Variants in SHANK2 observed in about 807,000 individuals in gnomAD.
The protein encoded by SHANK2 is SH3 and multiple ankyrin repeat domains 2, also known as SH3 and multiple ankyrin repeat domains protein 2.
Under a neutral mutation model 133.7 loss-of-function variants are expected in SHANK2, and 43 were observed. The ratio of observed to expected loss-of-function variants is 0.32; its 90% confidence interval spans 0.25 to 0.41. The LOEUF (loss-of-function observed/expected upper bound fraction) is 0.41. SHANK2 is among the 10% of genes least tolerant of loss of function. The pLI is 1.00. For synonymous variants in SHANK2, 1,017 were observed against 952.8 expected, an observed-to-expected ratio of 1.07 and a Z score of -1.24; for missense variants, 1,994 against 2,235.8, an observed-to-expected ratio of 0.89 and a Z score of 2.18.
chr11:70,600,040 T>C (rs2060471577), intron 17 of SHANK2, among the ~76,000 whole-genome samples: 1 of 152,238 alleles, frequency 6.6e-6, no homozygotes, highest in Admixed American at 6.5e-5. Context: ...AATTGGTCTA[T>C]TCTGGGTCAA....
chr11:70,554,075 T>C (rs2059801171), intron 17 of SHANK2, among the ~76,000 whole-genome samples: 1 of 152,210 alleles, frequency 6.6e-6, no homozygotes, highest in African/African-American at 2.4e-5. Flanking sequence ...TGCTTTGCCT[T>C]CTCCTTTGTG....
chr11:71,220,995 G>A (rs185963346), intron 2 of SHANK2, among the ~76,000 whole-genome samples: 2 of 152,260 alleles, frequency 1.3e-5, no homozygotes, highest in East Asian at 3.9e-4. Context: ...GAGGTCAGGA[G>A]TTCAAGACCA....
intron 7 of SHANK2, 23 bp from the exon 8 acceptor site, chr11:71,092,612 C>A: frequency 6.5e-7 from 1 of 1,549,008 alleles, no homozygotes; most frequent in South Asian, 1.2e-5. Context: ...AATTGAAAGC[C>A]GTCGTTATTG....
At chr11:70,632,801 C>A (rs1170863557) in intron 17 of SHANK2, among the ~76,000 whole-genome samples, 3 of 152,260 alleles carry the variant, frequency 2.0e-5, no homozygotes, top group Non-Finnish European at 2.9e-5. Context: ...GAAACAAGGT[C>A]ATGTTGATCT....
At chr11:70,681,117 C>T (rs1420457345) in intron 15 of SHANK2, among the ~76,000 whole-genome samples, 1 of 152,198 alleles carries the variant, frequency 6.6e-6, no homozygotes, top group Non-Finnish European at 1.5e-5. Flanking sequence ...GCCTCTGCAT[C>T]TGTGCCTTGG....
rs1946472490 is a variant in SHANK2, at chr11:70,739,275, T to C, written c.1778-40512A>G. On this transcript the variant is annotated intron_variant, in intron 14 of 25. Coordinates refer to ENST00000601538, the MANE Select transcript of SHANK2 (RefSeq NM_012309.5). The surrounding 1 kb of genome is among the most constrained non-coding windows in gnomAD (Gnocchi z 4.3). Reference sequence around the variant, plus strand: ...AGACGCAGACCCGGGGCATCTCCCATCTCCACCCATCTCCACTCATCTCCA... The same window carrying C: ...AGACGCAGACCCGGGGCATCTCCCACCTCCACCCATCTCCACTCATCTCCA... 6.6e-6 allele frequency among the ~76,000 whole-genome samples: 1 copy of C among 151,958 alleles called. No homozygotes were observed. The highest frequency in any genetic ancestry group is 1.5e-5 in the Non-Finnish European group (1 of 67,982).
chr11:71,177,380 C>G (rs1364847888), intron 2 of SHANK2, among the ~76,000 whole-genome samples: 1 of 152,066 alleles, frequency 6.6e-6, no homozygotes, highest in Non-Finnish European at 1.5e-5. Flanking sequence ...AACAATAGCA[C>G]AAAGGTTGGA....
At chr11:71,082,662 C>G (rs920563983) in intron 8 of SHANK2, among the ~76,000 whole-genome samples, 17 of 152,192 alleles carry the variant, frequency 1.1e-4, no homozygotes, top group Admixed American at 3.9e-4. Context: ...GGGCCTGTCC[C>G]CTCGCCGTGG....
At chr11:70,510,077 G>C (rs2135873360) in intron 17 of SHANK2, among the ~76,000 whole-genome samples, 1 of 152,274 alleles carries the variant, frequency 6.6e-6, no homozygotes, top group South Asian at 2.1e-4. Context: ...GGAGGGAGGA[G>C]GTGTCTTGGC....
At chr11:70,762,228 GT>G (rs10714766) in intron 14 of SHANK2, among the ~76,000 whole-genome samples, 13,144 of 152,248 alleles carry the variant, frequency 0.086, 748 homozygotes, top group South Asian at 0.28. Context: ...AAATTCTGTG[GT>G]TTTACAAACG....
intron 1 of SHANK2, among the ~76,000 whole-genome samples, chr11:71,231,644 T>A (rs1591041563): frequency 1.3e-5 from 2 of 152,196 alleles, no homozygotes; most frequent in South Asian, 4.1e-4. Flanking sequence ...TACCAGCACC[T>A]TGGGAGGCCA....
At chr11:70,666,765 C>T (rs1038861748) in intron 15 of SHANK2, among the ~76,000 whole-genome samples, 7 of 152,214 alleles carry the variant, frequency 4.6e-5, no homozygotes, top group Non-Finnish European at 1.0e-4. Context: ...TCACTGATCA[C>T]GTGCCTGAAG....
chr11:71,082,476 C>T lies in SHANK2; in HGVS notation c.913-7201G>A, dbSNP rs1040107927. ...AGGAAGACCACAACCCATGTGGCTC[C>T]ATCCCATTCTAAATGCTAACTTTCC... On this transcript the variant is annotated intron_variant, in intron 8 of 25. Transcript: ENST00000601538. Among the ~76,000 whole-genome samples the T allele has an allele frequency of 5.3e-5, 8 of 152,346 alleles. No homozygotes were observed. In the South Asian group the frequency reaches 1.7e-3, roughly 32 times the overall value.
intron 3 of SHANK2, among the ~76,000 whole-genome samples, chr11:71,137,474 C>T (rs1555104991): frequency 6.6e-6 from 1 of 152,050 alleles, no homozygotes; most frequent in African/African-American, 2.4e-5. Context: ...AGGCCCAGCC[C>T]CCCCAAAGGA....
intron 1 of SHANK2, among the ~76,000 whole-genome samples, chr11:71,226,382 G>A (rs1340597452): frequency 6.6e-6 from 1 of 152,152 alleles, no homozygotes; most frequent in African/African-American, 2.4e-5. Flanking sequence ...AGAAGAGAGG[G>A]AGGGTCTGAA....
At position 70,502,190 on chromosome 11, in the gene SHANK2, C is replaced by T. The variant is rs376165687; in HGVS notation, c.2278+16G>A. The T allele has an allele frequency of 2.6e-5, 41 of 1,552,992 alleles. 1 individual carries two copies. The highest frequency in any genetic ancestry group is 9.8e-5 in the Admixed American group (5 of 50,994). ...GCATGGTGACTGTACAGGGCTGGGC[C>T]GGGTGTGCGACTTACCGAGCTCCTC... On this transcript the variant is annotated intron_variant, in intron 19 of 25. Transcript: ENST00000601538.
At chr11:70,768,070 G>T (rs184544386) in intron 14 of SHANK2, among the ~76,000 whole-genome samples, 193 of 152,242 alleles carry the variant, frequency 1.3e-3, no homozygotes, top group Admixed American at 3.1e-3. Flanking sequence ...GGGGTGGGGG[G>T]GCTGAGGATG....
At chr11:70,949,337 T>C (rs1342750714) in intron 10 of SHANK2, among the ~76,000 whole-genome samples, 1 of 152,262 alleles carries the variant, frequency 6.6e-6, no homozygotes, top group African/African-American at 2.4e-5. Context: ...AGGCCTGGCA[T>C]GCTGCCCGGC....
At chr11:71,210,089 C>A (rs996392420) in intron 2 of SHANK2, among the ~76,000 whole-genome samples, 4 of 151,064 alleles carry the variant, frequency 2.6e-5, no homozygotes, top group African/African-American at 9.7e-5. Flanking sequence ...TGCAAGGGAA[C>A]TTCTGAAGGC....
Sources: allele counts gnomAD v4.1 joint callset (sites outside exome capture counted in the v4.1 genomes callset), GRCh38; gene constraint gnomAD v4.1.1; non-coding constraint Gnocchi (gnomAD v3.1); transcripts MANE v1.5; gene names NCBI Gene and HGNC (gene_info 2026-07-23, HGNC 2026-07-21).